Variants in HMCN2 observed in about 807,000 individuals in gnomAD.
HMCN2 encodes the protein hemicentin-2.
Under a neutral mutation model 377.5 loss-of-function variants are expected in HMCN2, and 325 were observed. The observed-to-expected ratio is 0.86, with a 90% CI of 0.79 to 0.94. The LOEUF is 0.94. Ranked by LOEUF, HMCN2 falls within the 40% of genes least tolerant of loss-of-function variation. The probability of loss-of-function intolerance (pLI) is 0.00; values close to 1 mark genes in which losing one functional copy is unlikely to be tolerated. For synonymous variants in HMCN2, 2,007 were observed against 2,046.8 expected (o/e 0.98, Z 0.53); for missense variants, 4,543 against 4,725.3 (o/e 0.96, Z 1.13).
At chr9:130,350,403 A>AAC (rs1839644665) in intron 29 of HMCN2, among the ~76,000 whole-genome samples, 1 of 148,818 alleles carries the variant, frequency 6.7e-6, no homozygotes, top group Non-Finnish European at 1.5e-5. Context: ...AAAAAAAAAA[A>AAC]AGAAATAGCC....
At position 130,424,772 on chromosome 9, in the gene HMCN2, C is replaced by T. The variant is rs1374957366; in HGVS notation, c.13382-4C>T. ...ACCCGGCCTCTATGCCCTGCCCCAC[C>T]CAGGGCCTCTGATGCGGGTGCTCGT... On this transcript the variant is annotated splice_region_variant and splice_polypyrimidine_tract_variant and intron_variant, in intron 87 of 97. Coordinates refer to ENST00000683500, the MANE Select transcript of HMCN2 (RefSeq NM_001291815.2). The T allele has an allele frequency of 1.3e-6, 2 of 1,534,406 alleles. No individual in the cohort carries two copies. The highest frequency in any genetic ancestry group is 1.9e-4 in the Middle Eastern group (1 of 5,378).
At chr9:130,301,177 A>G (rs2131334222) in intron 8 of HMCN2, among the ~76,000 whole-genome samples, 1 of 152,232 alleles carries the variant, frequency 6.6e-6, no homozygotes, top group African/African-American at 2.4e-5. Flanking sequence ...TGGGCAGGAG[A>G]GCTGGAGACC....
At chr9:130,386,117 G>A (rs891293062) in intron 60 of HMCN2, among the ~76,000 whole-genome samples, 4 of 152,198 alleles carry the variant, frequency 2.6e-5, no homozygotes, top group African/African-American at 4.8e-5. Flanking sequence ...TGCTCACAGT[G>A]TTTGTTGGAT....
intron 11 of HMCN2, among the ~76,000 whole-genome samples, chr9:130,305,906 G>T (rs1251784255): frequency 2.6e-5 from 4 of 152,198 alleles, no homozygotes; most frequent in Non-Finnish European, 1.5e-5. Flanking sequence ...TGGGATTGTT[G>T]GAAAATCAGC....
At position 130,395,990 on chromosome 9, in the gene HMCN2, G is replaced by A; in HGVS notation, c.10978G>A (p.Asp3660Asn). 7.8e-7 allele frequency: 1 copy of A among 1,287,612 alleles called. No homozygotes were observed. The highest frequency in any genetic ancestry group is 1.2e-5 in the South Asian group (1 of 80,932). The allele number at this position is 1,287,612 out of a possible 1,614,324, so 79.8% of individuals were successfully genotyped here. The stretch of plus-strand genomic sequence containing the variant: ...CCAGCTGCAGGCCCTGAGCACGGCT[G>A]ACAGCGGCGACTACAGCTGCACAGC... ...FLQLQALSTA[D>N]SGDYSCTARN... is the part of the protein sequence containing the mutation. Residue 3660 changes from aspartate (D) to asparagine (N), a missense_variant, in exon 72 of 98, where the codon GAC becomes AAC. Coordinates refer to ENST00000683500, the MANE Select transcript of HMCN2 (RefSeq NM_001291815.2).
Position 130,422,624 on chromosome 9 carries a change from C to T in HMCN2, c.13279C>T (p.Arg4427Trp), listed in dbSNP as rs778911639. 32 of 1,326,260 alleles carry T rather than the reference C, an allele frequency of 2.4e-5. No individual in the cohort carries two copies. In the East Asian group the frequency reaches 4.3e-4, roughly 18 times the overall value. The allele number at this position is 1,326,260 out of a possible 1,614,324, so 82.2% of individuals were successfully genotyped here. A position where few individuals can be genotyped will look rare whatever the true frequency, so the allele number is the denominator to read the frequency against. The part of the protein sequence containing the change: ...WGSMTGVING[R>W]KFGVATLNTS... ...CAGCATGACTGGGGTGATAAATGGC[C>T]GGAAATTTGGCGTGGCCACACTCAA... Residue 4427 changes from arginine (R) to tryptophan (W), a missense_variant, in exon 87 of 98, where the codon CGG (arginine) becomes TGG (tryptophan). Around this residue, in one of 5 missense-constraint regions of HMCN2, gnomAD observed 1,155 missense variants for 1,157.7 expected, o/e 1.00. Coordinates refer to ENST00000683500, the MANE Select transcript of HMCN2 (RefSeq NM_001291815.2). The surrounding 1 kb of genome is among the most constrained non-coding windows in gnomAD (Gnocchi z 4.2).
intron 4 of HMCN2, among the ~76,000 whole-genome samples, chr9:130,291,732 A>G (rs1422393335): frequency 6.6e-6 from 1 of 152,254 alleles, no homozygotes; most frequent in Non-Finnish European, 1.5e-5. Flanking sequence ...AGTCTTCAAC[A>G]TAACCCACAA....
At position 130,418,831 on chromosome 9, in the gene HMCN2, GC is replaced by G; in HGVS notation, c.13024del (p.Leu4342CysfsTer68). 1 of 1,538,132 alleles carries G rather than the reference GC, an allele frequency of 6.5e-7. No individual in the cohort carries two copies. ...DMTVRSGDDVALRCQATGEPT... is the reference protein window; with the variant it reads ...DMTVRSGDDVXLRCQATGEPT... ...GACAGTGAGATCTGGGGATGACGTG[GC>G]CCTGCGGTGCCAGGCCACTGGAGAG... On this transcript the variant is annotated frameshift_variant, in exon 86 of 98. Transcript: ENST00000683500. LOFTEE classifies it high-confidence loss of function.
intron 39 of HMCN2, among the ~76,000 whole-genome samples, 153 bp downstream of exon 39, chr9:130,362,318 G>T (rs769083765): frequency 1.3e-5 from 2 of 152,186 alleles, no homozygotes; most frequent in Non-Finnish European, 2.9e-5. Context: ...AGAGAGGCTG[G>T]AGCCACACTG....
Position 130,292,189 on chromosome 9 carries a change from A to G in HMCN2, c.613-2666A>G, listed in dbSNP as rs549950525. On this transcript the variant is annotated intron_variant, in intron 4 of 97. Coordinates refer to ENST00000683500, the MANE Select transcript of HMCN2 (RefSeq NM_001291815.2). ...GTGTCTGAGCATCCTACTATTACTG[A>G]TGATAAGTTTGATGACTGGGTGAGG... Among the ~76,000 whole-genome samples the G allele has an allele frequency of 3.9e-5, 6 of 152,222 alleles. No homozygotes were observed. In the East Asian group the frequency reaches 1.2e-3, roughly 29 times the overall value.
At chr9:130,412,567 C>CTTTTTTTTTTTTTTTTTT (rs55873444) in intron 85 of HMCN2, among the ~76,000 whole-genome samples, 15 of 134,522 alleles carry the variant, frequency 1.1e-4, no homozygotes, top group East Asian at 2.2e-4. Flanking sequence ...CTTTCTTTCT[C>CTTTTTTTTTTTTTTTTTT]TTTTTTTTTT....
Position 130,361,792 on chromosome 9 carries a change from G to A in HMCN2, c.5951-216G>A, listed in dbSNP as rs1840399895. Among the ~76,000 whole-genome samples the A allele has an allele frequency of 6.6e-6, 1 of 152,190 alleles. No individual in the cohort carries two copies. Among genetic ancestry groups the A allele is most frequent in the Admixed American group, 6.5e-5 (1 of 15,288 alleles). On this transcript the variant is annotated intron_variant, in intron 38 of 97. Transcript: ENST00000683500. This position sits in a 1 kb window ranked among gnomAD's most constrained non-coding sequence, Gnocchi z 4.8. ...TGGGCAGGTGACTTCCCCTCTGTCA[G>A]CCTCAGTTTCCCATCTATAGAAGCC...
rs2131615011 is a variant in HMCN2 at position 130,375,998 on chromosome 9, G to T, written c.7918+9G>T. ...CCATGTGGAAGTGCTCAGTGAGTCG[G>T]GGACCCTGGGGCACAGCCGGGTGGG... On this transcript the variant is annotated intron_variant, in intron 51 of 97. Transcript: ENST00000683500. 1 of 983,122 alleles carries T rather than the reference G, an allele frequency of 1.0e-6. No homozygotes were observed. Among genetic ancestry groups the T allele is most frequent in the African/African-American group, 1.7e-5 (1 of 57,272 alleles). 60.9% of individuals were successfully genotyped at this position (983,122 alleles called of 1,614,324 possible).
rs1481357409 is a variant in HMCN2, at chr9:130,433,358, C to T, written c.14905C>T (p.Arg4969Trp). 4 of 1,457,352 alleles carry T rather than the reference C, an allele frequency of 2.7e-6. No individual in the cohort carries two copies. The highest frequency in any genetic ancestry group is 3.6e-6 in the Non-Finnish European group (4 of 1,112,366). 90.3% of individuals were successfully genotyped at this position (1,457,352 alleles called of 1,614,324 possible). A position where few individuals can be genotyped will look rare whatever the true frequency, so the allele number is the denominator to read the frequency against. Residue 4969 changes from arginine (R) to tryptophan (W), a missense_variant, in exon 98 of 98, where the codon CGG (arginine) becomes TGG (tryptophan). Physicochemically the swap from Arg to Trp is moderately radical, Grantham distance 101 (BLOSUM62 -3). Transcript: ENST00000683500. ...RQGPSPGTCF[R>W]RCSQDCGTGG... ...CTGTGCCGCCCGCAGGACGTGCTTCCGGCGCTGCTCGCAGGACTGCGGCAC... is the reference window on the plus strand; with the variant it reads ...CTGTGCCGCCCGCAGGACGTGCTTCTGGCGCTGCTCGCAGGACTGCGGCAC...
chr9:130,267,243 C>G (rs1032010277), intron 1 of HMCN2, among the ~76,000 whole-genome samples: 6 of 151,924 alleles, frequency 3.9e-5, no homozygotes, highest in Admixed American at 3.9e-4. Flanking sequence ...CTGCACCCAG[C>G]CTCCCCAGCG....
intron 86 of HMCN2, among the ~76,000 whole-genome samples, chr9:130,420,199 C>T (rs1198453712): frequency 6.6e-6 from 1 of 151,604 alleles, no homozygotes; most frequent in Non-Finnish European, 1.5e-5. Context: ...CTCAGCCTCC[C>T]AAGTAGCTGG....
chr9:130,290,944 A>G (rs1235529975), intron 4 of HMCN2, among the ~76,000 whole-genome samples: 2 of 151,980 alleles, frequency 1.3e-5, no homozygotes, highest in African/African-American at 2.4e-5. Context: ...AGAAGATCAC[A>G]TGGTAAGCAG....
At chr9:130,326,745 T>C (rs1009752310) in intron 21 of HMCN2, among the ~76,000 whole-genome samples, 1 of 151,938 alleles carries the variant, frequency 6.6e-6, no homozygotes, top group Non-Finnish European at 1.5e-5. Flanking sequence ...AACTCCAAGG[T>C]AGAAAGGCGG....
At chr9:130,311,634 G>C (rs1261152729) in intron 15 of HMCN2, among the ~76,000 whole-genome samples, 1 of 152,234 alleles carries the variant, frequency 6.6e-6, no homozygotes, top group Non-Finnish European at 1.5e-5. Context: ...CTTCTTGGAG[G>C]AGGTGATGTC....
Sources: gnomAD v4.1 joint callset for allele counts (sites outside exome capture counted in the v4.1 genomes callset) on GRCh38, gnomAD v4.1.1 for gene constraint, gnomAD v4.1.1 regional missense constraint, Gnocchi (gnomAD v3.1) non-coding constraint, MANE v1.5 for transcripts, NCBI Gene and HGNC (gene_info 2026-07-23, HGNC 2026-07-21) for gene names.